MRPL1: variants seen among roughly 807,000 people sequenced by gnomAD.
The protein encoded by MRPL1 is mitochondrial ribosomal protein L1, also known as large ribosomal subunit protein uL1m.
A neutral mutation model predicts 38.0 loss-of-function variants in MRPL1; 28 were observed. The observed-to-expected ratio is 0.74, with a 90% confidence interval of 0.55 to 1.01. MRPL1 has a LOEUF of 1.01. Among genes scored for constraint, MRPL1 ranks in the 50% least tolerant of loss-of-function variants. The pLI is 0.00. For missense variants in MRPL1, 358 were observed against 389.8 expected (o/e 0.92, Z 0.69); for synonymous variants, 123 against 126.7 (o/e 0.97, Z 0.20).
At chr4:77,932,404 C>T (rs1736868666) in intron 7 of MRPL1, among the ~76,000 whole-genome samples, 3 of 152,104 alleles carry the variant, frequency 2.0e-5, no homozygotes, top group Admixed American at 1.3e-4. Context: ...GATCCTTGGC[C>T]CATTTGTGAG....
chr4:77,911,783 A>G (rs1288112132), intron 7 of MRPL1, among the ~76,000 whole-genome samples: 1 of 152,190 alleles, frequency 6.6e-6, no homozygotes, highest in Non-Finnish European at 1.5e-5. Flanking sequence ...TGATACCAAA[A>G]CCAGACAAAG....
chr4:77,880,276 C>T (rs1047329045), intron 2 of MRPL1, among the ~76,000 whole-genome samples: 8 of 152,142 alleles, frequency 5.3e-5, no homozygotes, highest in South Asian at 2.1e-4. Flanking sequence ...TTCAAGAGGC[C>T]ACCCACATTC....
chr4:77,891,716 G>A (rs1010762002), intron 5 of MRPL1, among the ~76,000 whole-genome samples: 4 of 152,192 alleles, frequency 2.6e-5, no homozygotes, highest in Admixed American at 6.5e-5. Context: ...TCTCAAGAAA[G>A]AAATGGTAAT....
intron 1 of MRPL1, 27 bp downstream of exon 1, chr4:77,862,906 G>C: frequency 6.2e-7 from 1 of 1,614,086 alleles, no homozygotes; most frequent in Non-Finnish European, 8.5e-7. Context: ...TCTTGCAGGG[G>C]AAATGGCTCT....
chr4:77,863,015 TG>T, intron 1 of MRPL1, 136 bp downstream of exon 1: 1 of 1,092,256 alleles, frequency 9.2e-7, no homozygotes, highest in Non-Finnish European at 1.4e-6. Flanking sequence ...TTTCAGAGGG[TG>T]GGTCATTACT....
intron 7 of MRPL1, among the ~76,000 whole-genome samples, chr4:77,943,853 C>T (rs1737192950): frequency 6.6e-6 from 1 of 152,146 alleles, no homozygotes; most frequent in Non-Finnish European, 1.5e-5. Context: ...TAATAATCGA[C>T]CTTCTGAATT....
At chr4:77,935,978 TAA>T (rs1369885726) in intron 7 of MRPL1, among the ~76,000 whole-genome samples, 2 of 151,930 alleles carry the variant, frequency 1.3e-5, no homozygotes, top group African/African-American at 4.8e-5. Context: ...TATAGCATCT[TAA>T]AGGGCTAGTT....
At chr4:77,922,523 C>T (rs1706435706) in intron 7 of MRPL1, among the ~76,000 whole-genome samples, 1 of 152,274 alleles carries the variant, frequency 6.6e-6, no homozygotes. Context: ...TGAAGGGAAC[C>T]TGGATGGAAG....
At chr4:77,925,893 AT>A (rs1174572551) in intron 7 of MRPL1, among the ~76,000 whole-genome samples, 2 of 152,074 alleles carry the variant, frequency 1.3e-5, no homozygotes, top group African/African-American at 4.8e-5. Context: ...TGTAGTTTCT[AT>A]TTTTTAAAAT....
At chr4:77,900,870 T>C (rs1348700099) in intron 6 of MRPL1, among the ~76,000 whole-genome samples, 1 of 152,084 alleles carries the variant, frequency 6.6e-6, no homozygotes, top group Admixed American at 6.6e-5. Context: ...GAGGAGGCGA[T>C]TACAGTAATC....
chr4:77,945,997 A>C (rs893723599), intron 7 of MRPL1, among the ~76,000 whole-genome samples: 1 of 152,166 alleles, frequency 6.6e-6, no homozygotes, highest in African/African-American at 2.4e-5. Flanking sequence ...TTTCGAGAGC[A>C]GAGAACTAGT....
chr4:77,938,462 A>G (rs75450218), intron 7 of MRPL1, among the ~76,000 whole-genome samples: 6,920 of 152,286 alleles, frequency 0.045, 194 homozygotes, highest in African/African-American at 0.076. Context: ...CCTCTGGTTC[A>G]AATTCAGTAT....
At chr4:77,924,495 TC>T in intron 7 of MRPL1, among the ~76,000 whole-genome samples, 1 of 152,282 alleles carries the variant, frequency 6.6e-6, no homozygotes, top group African/African-American at 2.4e-5. Context: ...CATTCACGGC[TC>T]CGCTCAAATA....
At chr4:77,941,539 C>G (rs1737132424) in intron 7 of MRPL1, among the ~76,000 whole-genome samples, 1 of 152,082 alleles carries the variant, frequency 6.6e-6, no homozygotes, top group African/African-American at 2.4e-5. Context: ...TGTTTTTAAC[C>G]ATTTCAACCT....
intron 7 of MRPL1, among the ~76,000 whole-genome samples, chr4:77,942,285 A>G (rs903877122): frequency 2.6e-5 from 4 of 152,150 alleles, no homozygotes; most frequent in Non-Finnish European, 4.4e-5. Context: ...GGCCTATCCT[A>G]TGATCTATCT....
intron 2 of MRPL1, among the ~76,000 whole-genome samples, chr4:77,877,001 A>G (rs1204986368): frequency 6.6e-6 from 1 of 152,132 alleles, no homozygotes; most frequent in Non-Finnish European, 1.5e-5. Flanking sequence ...CCCAGGTTCA[A>G]GTGATTCTCC....
intron 7 of MRPL1, among the ~76,000 whole-genome samples, chr4:77,923,546 T>C (rs1470617742): frequency 6.6e-6 from 1 of 152,236 alleles, no homozygotes; most frequent in African/African-American, 2.4e-5. Context: ...AACCCTATTG[T>C]ATATTATTGT....
At chr4:77,896,825 A>G (rs1428106356) in intron 6 of MRPL1, among the ~76,000 whole-genome samples, 1 of 152,108 alleles carries the variant, frequency 6.6e-6, no homozygotes. Flanking sequence ...TGTTTTTCAA[A>G]TGCACATTTG....
chr4:77,886,216 T>C (rs1356397510), intron 4 of MRPL1, among the ~76,000 whole-genome samples: 2 of 152,202 alleles, frequency 1.3e-5, no homozygotes, highest in Non-Finnish European at 2.9e-5. Context: ...TTGTCCAGGC[T>C]GGAGTACAGT....
Sources: gnomAD v4.1 joint callset for allele counts (sites outside exome capture counted in the v4.1 genomes callset) on GRCh38, gnomAD v4.1.1 for gene constraint, MANE v1.5 for transcripts, NCBI Gene and HGNC (gene_info 2026-07-23, HGNC 2026-07-21) for gene names.